MRPL2: variants seen among roughly 807,000 people sequenced by gnomAD.
MRPL2 encodes large ribosomal subunit protein uL2m.
A neutral mutation model predicts 34.6 loss-of-function variants in MRPL2; 27 were observed. The observed-to-expected ratio is 0.78, with a 90% CI of 0.58 to 1.08. MRPL2 has a LOEUF of 1.08. Among genes scored for constraint, MRPL2 ranks in the 50% least tolerant of loss-of-function variants. The pLI is 0.00. For synonymous variants in MRPL2, 155 were observed against 158.0 expected (o/e 0.98, Z 0.14); for missense variants, 414 against 419.3 (o/e 0.99, Z 0.11).
Position 43,054,496 on chromosome 6 carries a change from A to G in MRPL2, c.706-10T>C. On this transcript the variant is annotated splice_polypyrimidine_tract_variant and intron_variant, in intron 6 of 6. Coordinates refer to ENST00000388752, the MANE Select transcript of MRPL2 (RefSeq NM_015950.5). ...CGCACGTTTCCAGCACCTGACAGAG[A>G]AAACAGATGGAGATTCTGTACAATG... 1.9e-6 allele frequency: 3 copies of G among 1,611,798 alleles called. No homozygotes were observed. The highest frequency in any genetic ancestry group is 1.7e-6 in the Non-Finnish European group (2 of 1,178,124).
rs779742082 is a variant in MRPL2, at chr6:43,054,335, A to G, written c.857T>C (p.Ile286Thr). The G allele has an allele frequency of 1.2e-6, 2 of 1,614,020 alleles. No individual in the cohort carries two copies. Among genetic ancestry groups the G allele is most frequent in the Non-Finnish European group, 8.5e-7 (1 of 1,179,996 alleles). ...ACTCTTCATGGGGGGTAGTGGCCGA[A>G]TCTTTCGGCCAGCCCAGCCCCCCTT... ...HRKGGWAGRK[I>T]RPLPPMKSYV... The change falls in exon 7 of 7, where the codon ATT (isoleucine) becomes ACT (threonine). Residue 286 changes from isoleucine to threonine, a missense_variant. Ile to Thr is a moderately conservative substitution (Grantham distance 89). Transcript: ENST00000388752.
At position 43,057,244 on chromosome 6, in the gene MRPL2, G is replaced by A. The variant is rs11970463; in HGVS notation, c.266-799C>T. ...CACCTGGGCTGGAATACAATGGTGC[G>A]ATCTCGGCTCACTGCAACCTCCACC... is the stretch of plus-strand genomic sequence containing the variant. On this transcript the variant is annotated intron_variant, in intron 2 of 6. Coordinates refer to ENST00000388752, the MANE Select transcript of MRPL2 (RefSeq NM_015950.5). Among the ~76,000 whole-genome samples, 583 of 152,068 alleles carry A rather than the reference G, an allele frequency of 3.8e-3. 2 individuals carry two copies. The highest frequency in any genetic ancestry group is 0.013 in the African/African-American group (553 of 41,488).
Position 43,058,219 on chromosome 6 carries a change from G to A in MRPL2, c.111C>T (p.Gly37=). The A allele has an allele frequency of 6.2e-7, 1 of 1,613,916 alleles. No homozygotes were observed. The highest frequency in any genetic ancestry group is 8.5e-7 in the Non-Finnish European group (1 of 1,179,928). ...TCAAGGCAGAGGGCTGTTGGAGGAG[G>A]CCATTGTTCATCATCTAGGGATAAA... is the stretch of plus-strand genomic sequence containing the variant. ...LFPAAQMMNN[G]LLQQPSALML... Residue 37 remains glycine (G), a synonymous_variant, in exon 2 of 7, where the codon GGC becomes GGT. Coordinates refer to ENST00000388752, the MANE Select transcript of MRPL2 (RefSeq NM_015950.5).
intron 5 of MRPL2, 49 bp from the exon 6 acceptor site, chr6:43,055,667 G>T: frequency 6.2e-7 from 1 of 1,603,884 alleles, no homozygotes; most frequent in South Asian, 1.1e-5. Flanking sequence ...GGGGGGTGCA[G>T]AGGGACTTAC....
intron 2 of MRPL2, 65 bp from the exon 3 acceptor site, chr6:43,056,510 A>C: frequency 6.3e-7 from 1 of 1,593,692 alleles, no homozygotes; most frequent in Non-Finnish European, 8.6e-7. Context: ...AGCACTGGGA[A>C]CTGGCCCATT....
upstream of MRPL2, chr6:43,059,797 G>A: frequency 8.5e-7 from 1 of 1,169,646 alleles, no homozygotes; most frequent in Non-Finnish European, 1.1e-6. Context: ...CAAAACTCCA[G>A]CCTCCAAAAC....
intron 6 of MRPL2, among the ~76,000 whole-genome samples, chr6:43,054,939 G>A (rs1466186540): frequency 6.6e-6 from 1 of 151,804 alleles, no homozygotes; most frequent in African/African-American, 2.4e-5. Context: ...TTAGCCTGGT[G>A]GAGTGGTGTG....
At chr6:43,059,090 T>C in intron 1 of MRPL2, 196 bp downstream of exon 1, 1 of 1,504,856 alleles carries the variant, frequency 6.6e-7, no homozygotes, top group Non-Finnish European at 9.0e-7. Flanking sequence ...TCACCTTAAG[T>C]ATCTCGTCTG....
chr6:43,055,825 A>T lies in MRPL2; in HGVS notation c.631+72T>A, dbSNP rs1764857098. 3 of 1,436,692 alleles carry T rather than the reference A, an allele frequency of 2.1e-6. No homozygotes were observed. In the African/African-American group the frequency reaches 4.3e-5, roughly 21 times the overall value. The allele number at this position is 1,436,692 out of a possible 1,614,324, so 89.0% of individuals were successfully genotyped here. A position where few individuals can be genotyped will look rare whatever the true frequency, so the allele number is the denominator to read the frequency against. Reference sequence around the variant, plus strand: ...CCTTAATTTTCTCTGCCAGTACCAGATGTGGAACCATGGGTTCAGACTCTC... The same window carrying T: ...CCTTAATTTTCTCTGCCAGTACCAGTTGTGGAACCATGGGTTCAGACTCTC... On this transcript the variant is annotated intron_variant, in intron 5 of 6. Coordinates refer to ENST00000388752, the MANE Select transcript of MRPL2 (RefSeq NM_015950.5).
At chr6:43,059,782 C>G, upstream of MRPL2, 1 of 1,187,102 alleles carries the variant, frequency 8.4e-7, no homozygotes, top group Non-Finnish European at 1.0e-6. Context: ...CTCCAACCAA[C>G]CTTACAAAAC....
chr6:43,054,495 G>C lies in MRPL2; in HGVS notation c.706-9C>G, dbSNP rs1581979696. On this transcript the variant is annotated splice_polypyrimidine_tract_variant and intron_variant, in intron 6 of 6. Transcript: ENST00000388752. ...ACGCACGTTTCCAGCACCTGACAGA[G>C]AAAACAGATGGAGATTCTGTACAAT... 6.2e-7 allele frequency: 1 copy of C among 1,611,676 alleles called. No individual in the cohort carries two copies.
chr6:43,058,165 A>G lies in MRPL2; in HGVS notation c.165T>C (p.Thr55=). 1 of 1,614,242 alleles carries G rather than the reference A, an allele frequency of 6.2e-7. No homozygotes were observed. The highest frequency in any genetic ancestry group is 8.5e-7 in the Non-Finnish European group (1 of 1,180,040). Residue 55 remains threonine (T), a synonymous_variant, in exon 2 of 7, where the codon ACT becomes ACC. Transcript: ENST00000388752. The part of the protein sequence containing the change: ...LMLLPCRPVL[T]SVALNANFVS... Reference sequence around the variant, plus strand: ...CAAAGTTGGCATTAAGGGCCACAGAAGTAAGAACTGGGCGGCAGGGGAGCA... The same window carrying G: ...CAAAGTTGGCATTAAGGGCCACAGAGGTAAGAACTGGGCGGCAGGGGAGCA...
intron 1 of MRPL2, among the ~76,000 whole-genome samples, chr6:43,058,826 C>T (rs1191191497): frequency 6.6e-6 from 1 of 152,228 alleles, no homozygotes; most frequent in Non-Finnish European, 1.5e-5. Flanking sequence ...TCAGCAGTAA[C>T]TCATCCTTGC....
Position 43,055,998 on chromosome 6 carries a change from C to G in MRPL2, c.530G>C (p.Arg177Pro). Residue 177 changes from arginine (R) to proline (P), a missense_variant, in exon 5 of 7, where the codon CGG becomes CCG. Physicochemically the swap from Arg to Pro is moderately radical, Grantham distance 103. Transcript: ENST00000388752. Reference sequence around the variant, plus strand: ...CCCAAGAGGATGCGCATCCCCTTCCCGAGCAGCAACTAAAAGACAGGATTT... The same window carrying G: ...CCCAAGAGGATGCGCATCCCCTTCCGGAGCAGCAACTAAAAGACAGGATTT... ...NHIGRMAVAA[R>P]EGDAHPLGAL... is the part of the protein sequence containing the mutation. The G allele has an allele frequency of 6.2e-7, 1 of 1,614,130 alleles. No individual in the cohort carries two copies. Among genetic ancestry groups the G allele is most frequent in the Non-Finnish European group, 8.5e-7 (1 of 1,180,018 alleles).
Position 43,055,560 on chromosome 6 carries a change from A to G in MRPL2, c.690T>C (p.Ser230=), listed in dbSNP as rs770875061. The stretch of plus-strand genomic sequence containing the variant: ...CCATACACACCTGCATCTGCCTCTT[A>G]GAGGGCAGCTGGATAATGGCTGTGC... ...VNGTAIIQLP[S]KRQMQVLETC... is the part of the protein sequence containing the mutation. Residue 230 remains serine, a synonymous_variant, in exon 6 of 7, where the codon TCT becomes TCC. Coordinates refer to ENST00000388752, the MANE Select transcript of MRPL2 (RefSeq NM_015950.5). 3 of 1,613,942 alleles carry G rather than the reference A, an allele frequency of 1.9e-6. No individual in the cohort carries two copies. The highest frequency in any genetic ancestry group is 2.5e-6 in the Non-Finnish European group (3 of 1,180,028).
Position 43,055,925 on chromosome 6 carries a change from G to T in MRPL2, c.603C>A (p.Gly201=). 1 of 1,613,870 alleles carries T rather than the reference G, an allele frequency of 6.2e-7. No individual in the cohort carries two copies. The highest frequency in any genetic ancestry group is 8.5e-7 in the Non-Finnish European group (1 of 1,179,844). The change falls in exon 5 of 7, where the codon GGC becomes GGA. Residue 201 remains glycine, a synonymous_variant. Coordinates refer to ENST00000388752, the MANE Select transcript of MRPL2 (RefSeq NM_015950.5). ...CAGCTCGGATATATTGGGCACCCCG[G>T]CCTGGCTCACTTTCCACGTTGTTGA... ...TLINNVESEP[G]RGAQYIRAAG...
chr6:43,059,440 T>C (rs1319094673), upstream of MRPL2: 2 of 1,476,736 alleles, frequency 1.4e-6, no homozygotes, highest in African/African-American at 1.4e-5. Context: ...ACGTTGACTG[T>C]CCGGCGCCGT....
Position 43,058,121 on chromosome 6 carries a change from G to A in MRPL2, c.209C>T (p.Thr70Ile), listed in dbSNP as rs1394376728. The A allele has an allele frequency of 6.8e-6, 11 of 1,614,038 alleles. No homozygotes were observed. Among genetic ancestry groups the A allele is most frequent in the African/African-American group, 1.3e-5 (1 of 74,902 alleles). Residue 70 changes from threonine to isoleucine, a missense_variant, in exon 2 of 7, where the codon ACC becomes ATC. By Grantham distance (89) the Thr-to-Ile change is moderately conservative (BLOSUM62 -1). Transcript: ENST00000388752. ...NANFVSWKSRTKYTITPVKMR... is the reference protein window; with the variant it reads ...NANFVSWKSRIKYTITPVKMR... The stretch of plus-strand genomic sequence containing the variant: ...CTTCACTGGTGTAATGGTGTACTTG[G>A]TACGACTCTTCCAGGACACAAAGTT...
chr6:43,059,378 C>A lies in MRPL2; in HGVS notation c.4G>T (p.Ala2Ser), dbSNP rs1452044867. The A allele has an allele frequency of 4.5e-6, 7 of 1,548,184 alleles. No homozygotes were observed. The highest frequency in any genetic ancestry group is 2.7e-5 in the African/African-American group (2 of 73,074). The change falls in exon 1 of 7, where the codon GCC (alanine) becomes TCC (serine). Residue 2 changes from alanine (A) to serine (S), a missense_variant. Physicochemically the swap from Ala to Ser is moderately conservative, Grantham distance 99. Transcript: ENST00000388752. ...AGAGCGCGGGTCAGTGCGCACAGGG[C>A]CATCAGCACGACACCCTTACTTTTA... is the stretch of plus-strand genomic sequence containing the variant. M[A>S]LCALTRALRS... is the part of the protein sequence containing the mutation.
Sources: allele counts gnomAD v4.1 joint callset (sites outside exome capture counted in the v4.1 genomes callset), GRCh38; gene constraint gnomAD v4.1.1; transcripts MANE v1.5; gene names NCBI Gene and HGNC (gene_info 2026-07-23, HGNC 2026-07-21).